The following CPA4 variants were observed in gnomAD, a reference collection of about 807,000 sequenced individuals.
The protein encoded by CPA4 is carboxypeptidase A4.
Under a neutral mutation model 54.7 loss-of-function variants are expected in CPA4, and 49 were observed. The observed-to-expected ratio is 0.90, with a 90% CI of 0.71 to 1.14. The LOEUF is 1.14. Ranked by LOEUF, CPA4 falls within the 50% of genes most tolerant of loss-of-function variation. The pLI is 0.00. For missense variants in CPA4, 487 were observed against 525.1 expected, an observed-to-expected ratio of 0.93 and a Z score of 0.71; for synonymous variants, 215 against 206.8, an observed-to-expected ratio of 1.04 and a Z score of -0.34.
intron 10 of CPA4, among the ~76,000 whole-genome samples, chr7:130,314,533 A>C (rs1431104343): frequency 1.3e-5 from 2 of 152,232 alleles, no homozygotes; most frequent in Non-Finnish European, 2.9e-5. Context: ...AGACAGCGAT[A>C]AGCACATTCA....
chr7:130,303,778 G>A (rs558469544), intron 4 of CPA4, among the ~76,000 whole-genome samples: 5 of 146,730 alleles, frequency 3.4e-5, no homozygotes, highest in African/African-American at 5.0e-5. Context: ...ACAGATACAC[G>A]CCACCGCAGC....
rs1314117954 is a variant in CPA4 at position 130,308,327 on chromosome 7, G to A, written c.723G>A (p.Thr241=). 5.6e-6 allele frequency: 9 copies of A among 1,614,182 alleles called. No individual in the cohort carries two copies. Among genetic ancestry groups the A allele is most frequent in the Middle Eastern group, 1.6e-4 (1 of 6,062 alleles). The change falls in exon 8 of 11, where the codon ACG becomes ACA. Residue 241 remains threonine (T), a synonymous_variant. Transcript: ENST00000222482. ...TQTQNRLWRK[T]RSRNPGSSCI... is the part of the protein sequence containing the mutation. Reference sequence around the variant, plus strand: ...TTCAGAACCGATTATGGAGGAAGACGCGGTCCCGAAATCCTGGAAGCTCCT... The same window carrying A: ...TTCAGAACCGATTATGGAGGAAGACACGGTCCCGAAATCCTGGAAGCTCCT...
chr7:130,300,734 A>C, intron 3 of CPA4, 82 bp from the exon 4 acceptor site: 1 of 895,226 alleles, frequency 1.1e-6, no homozygotes, highest in African/African-American at 1.6e-5. Context: ...ATCTTGGCTG[A>C]CCCATATGCA....
chr7:130,317,524 G>A (rs1794008059), intron 10 of CPA4, among the ~76,000 whole-genome samples: 1 of 152,192 alleles, frequency 6.6e-6, no homozygotes, highest in African/African-American at 2.4e-5. Context: ...GTGCACTGGT[G>A]CAATCTCGGC....
Position 130,306,774 on chromosome 7 carries a change from T to G in CPA4, c.592-13T>G. On this transcript the variant is annotated splice_polypyrimidine_tract_variant and intron_variant, in intron 6 of 10. Coordinates refer to ENST00000222482, the MANE Select transcript of CPA4 (RefSeq NM_016352.4). ...GCCATGGGATAGCTGACAAGCATAT[T>G]GTCTCTGCTTAGATTGTATCTGATT... 6.9e-7 allele frequency: 1 copy of G among 1,448,382 alleles called. No homozygotes were observed. 89.7% of individuals were successfully genotyped at this position (1,448,382 alleles called of 1,614,324 possible).
chr7:130,295,748 G>A (rs1274119217), intron 1 of CPA4, among the ~76,000 whole-genome samples: 3 of 152,212 alleles, frequency 2.0e-5, no homozygotes, highest in African/African-American at 7.2e-5. Context: ...GGGAGGCTGA[G>A]GCAGGTGGAT....
At chr7:130,299,148 C>G in intron 2 of CPA4, 122 bp from the exon 3 acceptor site, 1 of 1,083,742 alleles carries the variant, frequency 9.2e-7, no homozygotes, top group Non-Finnish European at 1.4e-6. Context: ...AAACTTTGCC[C>G]TTGGGCAGAG....
intron 4 of CPA4, among the ~76,000 whole-genome samples, chr7:130,302,210 G>A (rs1019514292): frequency 7.9e-5 from 12 of 152,124 alleles, no homozygotes; most frequent in Admixed American, 7.2e-4. Flanking sequence ...TTCTAGGCTG[G>A]GCATGGTGGC....
Position 130,305,835 on chromosome 7 carries a change from T to C in CPA4, c.506T>C (p.Val169Ala), listed in dbSNP as rs762369785. 4 of 1,614,100 alleles carry C rather than the reference T, an allele frequency of 2.5e-6. No homozygotes were observed. In the Admixed American group the frequency reaches 6.7e-5, roughly 27 times the overall value. The change falls in exon 6 of 11, where the codon GTG becomes GCG. Residue 169 changes from valine to alanine, a missense_variant. Val to Ala is a moderately conservative substitution (Grantham distance 64, BLOSUM62 0). Coordinates refer to ENST00000222482, the MANE Select transcript of CPA4 (RefSeq NM_016352.4). ...CTGCAGTTCAGCACTGGGAAAGGCG[T>C]GAGGCGGCCGGCCGTTTGGCTGAAT... ...YVLKFSTGKG[V>A]RRPAVWLNAG...
At chr7:130,308,437 T>C (rs1414643303) in intron 8 of CPA4, 40 bp downstream of exon 8, 1 of 1,518,906 alleles carries the variant, frequency 6.6e-7, no homozygotes, top group East Asian at 2.3e-5. Flanking sequence ...CTGCTGTCCC[T>C]GGGCTCGCCT....
Sources: allele counts gnomAD v4.1 joint callset (sites outside exome capture counted in the v4.1 genomes callset), GRCh38; gene constraint gnomAD v4.1.1; transcripts MANE v1.5; gene names NCBI Gene and HGNC (gene_info 2026-07-23, HGNC 2026-07-21).